Variants in TRPM3 observed in about 807,000 individuals in gnomAD.
The protein encoded by TRPM3 is transient receptor potential cation channel subfamily M member 3.
A neutral mutation model predicts 181.2 loss-of-function variants in TRPM3; 77 were observed. That is an observed-to-expected ratio of 0.42 (90% CI 0.35 to 0.51). The LOEUF is 0.51. Among genes scored for constraint, TRPM3 ranks in the 20% least tolerant of loss-of-function variants. The probability of loss-of-function intolerance (pLI) is 0.01; values close to 1 mark genes in which losing one functional copy is unlikely to be tolerated. For missense variants in TRPM3, 1,759 were observed against 2,196.7 expected, an observed-to-expected ratio of 0.80 and a Z score of 3.98; for synonymous variants, 745 against 796.4, an observed-to-expected ratio of 0.94 and a Z score of 1.09.
intron 1 of TRPM3, among the ~76,000 whole-genome samples, chr9:71,096,581 C>CAA: frequency 2.6e-5 from 3 of 116,260 alleles, no homozygotes; most frequent in Non-Finnish European, 5.7e-5. Context: ...CACACACACA[C>CAA]ACACACACAC....
At chr9:70,668,874 A>C (rs993982411) in intron 9 of TRPM3, among the ~76,000 whole-genome samples, 3 of 152,226 alleles carry the variant, frequency 2.0e-5, no homozygotes, top group Non-Finnish European at 4.4e-5. Flanking sequence ...GCAGCAACTG[A>C]TTTAATGAAT....
intron 1 of TRPM3, among the ~76,000 whole-genome samples, chr9:71,407,032 A>G (rs1271835886): frequency 6.6e-6 from 1 of 152,176 alleles, no homozygotes; most frequent in Non-Finnish European, 1.5e-5. Flanking sequence ...AAATTCACCA[A>G]ATTGGCTATT....
At chr9:71,280,548 G>A (rs1177712292) in intron 1 of TRPM3, among the ~76,000 whole-genome samples, 5 of 152,102 alleles carry the variant, frequency 3.3e-5, no homozygotes, top group African/African-American at 9.7e-5. Context: ...GAAAAGCCCT[G>A]GATTTTTGAG....
intron 18 of TRPM3, among the ~76,000 whole-genome samples, chr9:70,615,147 T>C (rs1383967974): frequency 6.6e-6 from 1 of 152,180 alleles, no homozygotes; most frequent in Non-Finnish European, 1.5e-5. Flanking sequence ...TCACCCCTTA[T>C]AGCTTCTGGG....
chr9:71,341,263 T>C (rs1298982816), intron 1 of TRPM3, among the ~76,000 whole-genome samples: 3 of 152,158 alleles, frequency 2.0e-5, no homozygotes, highest in African/African-American at 7.2e-5. Flanking sequence ...AGAAACAGGC[T>C]ATTTGCATAA....
chr9:70,784,054 G>A lies in TRPM3; in HGVS notation c.1148+51C>T, dbSNP rs530126725. The A allele has an allele frequency of 3.5e-4, 552 of 1,571,012 alleles. 8 individuals carry two copies. The South Asian group carries it at 5.3e-3, about 15-fold the overall frequency. On this transcript the variant is annotated intron_variant, in intron 7 of 25. Transcript: ENST00000677713. The stretch of plus-strand genomic sequence containing the variant: ...GAAAACATAATCCACTCATACCCTC[G>A]TTTCCAAACAGGCTTTAGGGTTCTT...
intron 5 of TRPM3, among the ~76,000 whole-genome samples, chr9:70,836,696 A>C (rs748845004): frequency 3.3e-5 from 5 of 152,098 alleles, no homozygotes; most frequent in Non-Finnish European, 7.4e-5. Context: ...TCCTCTGCTC[A>C]TCCATTAAAA....
intron 1 of TRPM3, among the ~76,000 whole-genome samples, chr9:71,306,663 C>T (rs2087356933): frequency 6.6e-6 from 1 of 152,100 alleles, no homozygotes; most frequent in African/African-American, 2.4e-5. Flanking sequence ...ATCACAAGGT[C>T]AAGAGATCGA....
At chr9:70,762,174 T>C (rs1276912121) in intron 7 of TRPM3, among the ~76,000 whole-genome samples, 1 of 152,204 alleles carries the variant, frequency 6.6e-6, no homozygotes, top group East Asian at 1.9e-4. Flanking sequence ...CAGTATTTCA[T>C]TAATAAGTTT....
At chr9:71,416,635 C>A (rs536310162) in intron 1 of TRPM3, among the ~76,000 whole-genome samples, 1 of 151,976 alleles carries the variant, frequency 6.6e-6, no homozygotes, top group African/African-American at 2.4e-5. Context: ...TAGGTACAAT[C>A]ACATTAACAT....
At chr9:70,958,047 C>T (rs2097097332) in intron 1 of TRPM3, among the ~76,000 whole-genome samples, 1 of 152,176 alleles carries the variant, frequency 6.6e-6, no homozygotes, top group Middle Eastern at 3.2e-3. Context: ...AACTTTGAGA[C>T]AGGCACAGAA....
intron 1 of TRPM3, among the ~76,000 whole-genome samples, chr9:71,084,600 A>T (rs931492152): frequency 6.6e-6 from 1 of 152,068 alleles, no homozygotes; most frequent in African/African-American, 2.4e-5. Context: ...AGAACTACAA[A>T]ACACTAATAA....
intron 1 of TRPM3, among the ~76,000 whole-genome samples, chr9:71,243,321 G>A (rs946123339): frequency 6.6e-6 from 1 of 152,208 alleles, no homozygotes; most frequent in Non-Finnish European, 1.5e-5. Context: ...ATGGTACCCA[G>A]CCTGCACCTG....
In TRPM3 at chr9:70,941,688, C is replaced by T. The variant is rs540484769; in HGVS notation, c.178-77177G>A. On this transcript the variant is annotated intron_variant, in intron 1 of 25. Transcript: ENST00000677713. ...TGATACATAAGTGGAGGTAGAAAGG[C>T]AAGAGGCATTTTACTAGAGGGGACA... 3.9e-5 allele frequency among the ~76,000 whole-genome samples: 6 copies of T among 152,272 alleles called. No individual in the cohort carries two copies. The South Asian group carries it at 1.0e-3, about 26-fold the overall frequency.
intron 1 of TRPM3, among the ~76,000 whole-genome samples, chr9:71,348,395 A>G (rs2091413181): frequency 1.3e-5 from 2 of 151,574 alleles, no homozygotes; most frequent in African/African-American, 4.8e-5. Context: ...AAGTCCTTTC[A>G]TAAACAGTAT....
intron 1 of TRPM3, among the ~76,000 whole-genome samples, chr9:71,187,019 T>C (rs1366675541): frequency 1.3e-5 from 2 of 152,054 alleles, no homozygotes; most frequent in Non-Finnish European, 2.9e-5. Context: ...AAGTTTTAAT[T>C]TGATTAAATC....
At chr9:71,088,081 A>C (rs942637219) in intron 1 of TRPM3, among the ~76,000 whole-genome samples, 1 of 151,910 alleles carries the variant, frequency 6.6e-6, no homozygotes, top group Non-Finnish European at 1.5e-5. Context: ...AGGATGAAAA[A>C]CTCTGTTCTT....
intron 9 of TRPM3, among the ~76,000 whole-genome samples, chr9:70,650,009 A>C (rs2059403745): frequency 6.6e-6 from 1 of 152,202 alleles, no homozygotes; most frequent in African/African-American, 2.4e-5. Flanking sequence ...CCTTTGCAGC[A>C]ATATGGATGC....
At position 71,307,927 on chromosome 9, in the gene TRPM3, A is replaced by G. The variant is rs954882134; in HGVS notation, c.183+138726T>C. On this transcript the variant is annotated intron_variant, in intron 1 of 24. Coordinates refer to the TRPM3 transcript ENST00000357533. The stretch of plus-strand genomic sequence containing the variant: ...AAATTTATTTACTTTGAACTTACCT[A>G]TATTACTGGAGCCTTTTATTAGAAG... 2.0e-5 allele frequency among the ~76,000 whole-genome samples: 3 copies of G among 151,078 alleles called. No individual in the cohort carries two copies. In the East Asian group the frequency reaches 5.8e-4, roughly 29 times the overall value.
Sources: allele counts gnomAD v4.1 joint callset (sites outside exome capture counted in the v4.1 genomes callset), GRCh38; gene constraint gnomAD v4.1.1; transcripts MANE v1.5; gene names NCBI Gene and HGNC (gene_info 2026-07-23, HGNC 2026-07-21).